The following ZNF207 variants were observed in gnomAD, a reference collection of about 807,000 sequenced individuals.
ZNF207 encodes the protein BUB3-interacting and GLEBS motif-containing protein ZNF207.
Under a neutral mutation model 60.2 loss-of-function variants are expected in ZNF207, and 24 were observed. That is an observed-to-expected ratio of 0.40 (90% confidence interval 0.29 to 0.56). ZNF207 has a LOEUF of 0.56. Ranked by LOEUF, ZNF207 falls within the 20% of genes least tolerant of loss-of-function variation. The pLI is 0.49. For synonymous variants in ZNF207, 236 were observed against 194.7 expected (o/e 1.21, Z -1.77); for missense variants, 452 against 636.6 (o/e 0.71, Z 3.12).
Position 32,351,930 on chromosome 17 carries a change from GTATT to G in ZNF207, c.168+23_168+26del. On this transcript the variant is annotated intron_variant, in intron 2 of 11. Coordinates refer to ENST00000394670, the MANE Select transcript of ZNF207 (RefSeq NM_001098507.2). ...GCATGCAGGTAAGGATTTTTCTTCT[GTATT>G]TATTGTCCGCTTGTGATTTGGAAAC... is the stretch of plus-strand genomic sequence containing the variant. 6.6e-7 allele frequency: 1 copy of G among 1,510,936 alleles called. No individual in the cohort carries two copies. Among genetic ancestry groups the G allele is most frequent in the Non-Finnish European group, 8.9e-7 (1 of 1,127,448 alleles). 93.6% of individuals were successfully genotyped at this position (1,510,936 alleles called of 1,614,324 possible).
intron 2 of ZNF207, 105 bp from the exon 3 acceptor site, chr17:32,358,398 C>T: frequency 8.9e-7 from 1 of 1,121,336 alleles, no homozygotes; most frequent in Non-Finnish European, 1.2e-6. Flanking sequence ...ATTGGCTCTA[C>T]ATGGCCTCAC....
chr17:32,357,328 TTATTATTATTATTATTATTATTA>T (rs1904566153), intron 2 of ZNF207, among the ~76,000 whole-genome samples: 5 of 88,298 alleles, frequency 5.7e-5, no homozygotes, highest in African/African-American at 1.9e-4. Flanking sequence ...ATTATTATTA[TTATTATTATTATTATTATTATTA>T]TTTTTTTTTT....
Position 32,369,820 on chromosome 17 carries a change from A to G in ZNF207, c.*61A>G, listed in dbSNP as rs1023290891. On this transcript the variant is annotated 3_prime_UTR_variant, in exon 12 of 12. Transcript: ENST00000394670. Reference sequence around the variant, plus strand: ...AACCTTTTCTCAACTTGTGCTGTTTATATAGCCAAGCTTCCGTCAATAAGG... The same window carrying G: ...AACCTTTTCTCAACTTGTGCTGTTTGTATAGCCAAGCTTCCGTCAATAAGG... 4 of 1,366,980 alleles carry G rather than the reference A, an allele frequency of 2.9e-6. No individual in the cohort carries two copies. Among genetic ancestry groups the G allele is most frequent in the Non-Finnish European group, 3.8e-6 (4 of 1,051,342 alleles). 84.7% of individuals were successfully genotyped at this position (1,366,980 alleles called of 1,614,324 possible). A position where few individuals can be genotyped will look rare whatever the true frequency, so the allele number is the denominator to read the frequency against.
At chr17:32,365,894 G>A (rs757549032) in intron 8 of ZNF207, among the ~76,000 whole-genome samples, 8 of 152,128 alleles carry the variant, frequency 5.3e-5, no homozygotes, top group African/African-American at 7.2e-5. Context: ...CCTCTAGTAC[G>A]GAACAGTGAT....
At chr17:32,357,940 C>A (rs914132467) in intron 2 of ZNF207, among the ~76,000 whole-genome samples, 2 of 152,058 alleles carry the variant, frequency 1.3e-5, no homozygotes, top group Non-Finnish European at 2.9e-5. Context: ...CCACCACACC[C>A]GACTAATTTT....
In ZNF207 at chr17:32,374,597, A is replaced by G. The variant is rs998208842; in HGVS notation, c.*4838A>G. 6.6e-6 allele frequency: 1 copy of G among 152,128 alleles called. No homozygotes were observed. The highest frequency in any genetic ancestry group is 1.5e-5 in the Non-Finnish European group (1 of 68,012). 9.4% of individuals were successfully genotyped at this position (152,128 alleles called of 1,614,324 possible). ...ATCTGGAAATGCTTAATTTTAAAAT[A>G]TTTTCAAGCCTCACCACATTAGAGC... On this transcript the variant is annotated 3_prime_UTR_variant, in exon 12 of 12. Coordinates refer to ENST00000394670, the MANE Select transcript of ZNF207 (RefSeq NM_001098507.2).
intron 1 of ZNF207, 90 bp downstream of exon 1, chr17:32,350,416 G>A: frequency 6.4e-7 from 1 of 1,567,060 alleles, no homozygotes; most frequent in Non-Finnish European, 8.8e-7. Flanking sequence ...CTTACGGCGT[G>A]GAGCGTTTGT....
At chr17:32,354,335 G>C (rs9901737) in intron 2 of ZNF207, among the ~76,000 whole-genome samples, 91,876 of 151,148 alleles carry the variant, frequency 0.61, 28,829 homozygotes, top group African/African-American at 0.71. Context: ...TGCTCTGTCA[G>C]TTTTTTTTTT....
chr17:32,361,094 T>G, intron 5 of ZNF207, 127 bp downstream of exon 5: 1 of 950,084 alleles, frequency 1.1e-6, no homozygotes, highest in Non-Finnish European at 1.6e-6. Flanking sequence ...TCTATATATC[T>G]TGTCTAATAA....
At chr17:32,360,327 A>G (rs1359927375) in intron 3 of ZNF207, among the ~76,000 whole-genome samples, 3 of 152,126 alleles carry the variant, frequency 2.0e-5, no homozygotes, top group Non-Finnish European at 2.9e-5. Flanking sequence ...TACAGCCTGC[A>G]TCGCAGAGCA....
At chr17:32,351,419 G>T in intron 1 of ZNF207, 2 of 1,295,406 alleles carry the variant, frequency 1.5e-6, no homozygotes, top group African/African-American at 1.5e-5. Context: ...TAATTGTCTT[G>T]ACAGAACCTT....
At chr17:32,354,376 C>T (rs1904378691) in intron 2 of ZNF207, among the ~76,000 whole-genome samples, 1 of 151,982 alleles carries the variant, frequency 6.6e-6, no homozygotes, top group Non-Finnish European at 1.5e-5. Flanking sequence ...TTTGCTCTGT[C>T]TTGTGCTCAC....
In ZNF207 at chr17:32,369,355, C is replaced by T; in HGVS notation, c.1225C>T (p.Pro409Ser). 1 of 1,614,116 alleles carries T rather than the reference C, an allele frequency of 6.2e-7. No homozygotes were observed. Among genetic ancestry groups the T allele is most frequent in the Middle Eastern group, 1.6e-4 (1 of 6,062 alleles). ...TAATCTTCCTCGGCCAGGACAGGCC[C>T]CCATCGGTAATCCACCAGTTGGACC... ...QRNLPRPGQA[P>S]IGNPPVGPIG... The change falls in exon 11 of 12, where the codon CCC (proline) becomes TCC (serine). Residue 409 changes from proline (P) to serine (S), a missense_variant. Coordinates refer to ENST00000394670, the MANE Select transcript of ZNF207 (RefSeq NM_001098507.2).
chr17:32,357,683 T>C (rs771432249), intron 2 of ZNF207, among the ~76,000 whole-genome samples: 6 of 151,816 alleles, frequency 4.0e-5, no homozygotes, highest in Non-Finnish European at 7.4e-5. Context: ...AGACAGTCTC[T>C]CAGTATCTGC....
Position 32,357,348 on chromosome 17 carries a change from A to ATTTTTT in ZNF207, c.169-1153_169-1152insTTTTTT, listed in dbSNP as rs772462101. Among the ~76,000 whole-genome samples, 143 of 77,630 alleles carry ATTTTTT rather than the reference A, an allele frequency of 1.8e-3. 3 individuals carry two copies. Among genetic ancestry groups the ATTTTTT allele is most frequent in the African/African-American group, 7.7e-3 (116 of 15,036 alleles). 50.9% of individuals were successfully genotyped at this position (77,630 alleles called of 152,430 possible). A position where few individuals can be genotyped will look rare whatever the true frequency, so the allele number is the denominator to read the frequency against. On this transcript the variant is annotated intron_variant, in intron 2 of 11. Transcript: ENST00000394670. ...TATTATTATTATTATTATTATTATTATTATTTTTTTTTTTTTTTGAGACAG... is the reference window on the plus strand; with the variant it reads ...TATTATTATTATTATTATTATTATTATTTTTTTTATTTTTTTTTTTTTTTGAGACAG...
intron 2 of ZNF207, among the ~76,000 whole-genome samples, chr17:32,353,390 A>G (rs1275614268): frequency 6.6e-6 from 1 of 152,078 alleles, no homozygotes; most frequent in Non-Finnish European, 1.5e-5. Flanking sequence ...GGAAACTACT[A>G]TGGGTGGGAG....
At position 32,373,227 on chromosome 17, in the gene ZNF207, A is replaced by G. The variant is rs1905544616; in HGVS notation, c.*3468A>G. On this transcript the variant is annotated 3_prime_UTR_variant, in exon 12 of 12. Transcript: ENST00000394670. ...ATTAATTGGGGAGGGGGATTCCCCA[A>G]CAAAAAGAAGTACGGGCTCAGAGTG... The G allele has an allele frequency of 2.2e-6, 1 of 454,362 alleles. No homozygotes were observed. Among genetic ancestry groups the G allele is most frequent in the Non-Finnish European group, 3.9e-6 (1 of 254,512 alleles). 28.1% of individuals were successfully genotyped at this position (454,362 alleles called of 1,614,324 possible).
At chr17:32,358,288 C>T (rs998090486) in intron 2 of ZNF207, among the ~76,000 whole-genome samples, 1 of 152,184 alleles carries the variant, frequency 6.6e-6, no homozygotes, top group African/African-American at 2.4e-5. Flanking sequence ...ATCCTAAAAA[C>T]AACTCTAGAA....
rs1229822862 is a variant in ZNF207 at position 32,358,593 on chromosome 17, G to A, written c.259G>A (p.Glu87Lys). Reference sequence around the variant, plus strand: ...AATATATGGTATGGAAGGTATTCCAGAAAAAGACATGGATGAAAGACGACG... The same window carrying A: ...AATATATGGTATGGAAGGTATTCCAAAAAAAGACATGGATGAAAGACGACG... Reference protein sequence around the residue: ...LEIYGMEGIPEKDMDERRRLL... With the variant: ...LEIYGMEGIPKKDMDERRRLL... The change falls in exon 3 of 12, where the codon GAA (glutamate) becomes AAA (lysine). Residue 87 changes from glutamate (E) to lysine (K), a missense_variant. Coordinates refer to ENST00000394670, the MANE Select transcript of ZNF207 (RefSeq NM_001098507.2). 6.5e-7 allele frequency: 1 copy of A among 1,540,852 alleles called. No homozygotes were observed. The highest frequency in any genetic ancestry group is 2.1e-5 in the Admixed American group (1 of 47,550).
Sources: allele counts gnomAD v4.1 joint callset (sites outside exome capture counted in the v4.1 genomes callset), GRCh38; gene constraint gnomAD v4.1.1; transcripts MANE v1.5; gene names NCBI Gene and HGNC (gene_info 2026-07-23, HGNC 2026-07-21).